The following MMP26 variants were observed in gnomAD, a reference collection of about 807,000 sequenced individuals.
MMP26 encodes matrix metalloproteinase-26.
A neutral mutation model predicts 31.0 loss-of-function variants in MMP26; 33 were observed. The ratio of observed to expected loss-of-function variants is 1.06; its 90% CI spans 0.81 to 1.42. The LOEUF (loss-of-function observed/expected upper bound fraction) is 1.42. MMP26 is among the 40% of genes most tolerant of loss of function. The pLI is 0.00. For synonymous variants in MMP26, 122 were observed against 114.9 expected, an observed-to-expected ratio of 1.06 and a Z score of -0.40; for missense variants, 347 against 316.1, an observed-to-expected ratio of 1.10 and a Z score of -0.74.
At chr11:4,827,803 C>T (rs1393341102) in intron 2 of MMP26, among the ~76,000 whole-genome samples, 1 of 151,434 alleles carries the variant, frequency 6.6e-6, no homozygotes, top group Non-Finnish European at 1.5e-5. Flanking sequence ...TTTAGCCTTT[C>T]CAAGATGAGA....
intron 2 of MMP26, among the ~76,000 whole-genome samples, chr11:4,813,299 C>G (rs1849375688): frequency 6.6e-6 from 1 of 152,072 alleles, no homozygotes; most frequent in Non-Finnish European, 1.5e-5. Context: ...AAAAATAGAT[C>G]AATACATTAT....
At chr11:4,936,370 T>C (rs1291177987) in intron 2 of MMP26, among the ~76,000 whole-genome samples, 1 of 151,984 alleles carries the variant, frequency 6.6e-6, no homozygotes, top group Admixed American at 6.6e-5. Flanking sequence ...TGCGTAGAGG[T>C]GTTTGTAGTA....
At chr11:4,748,724 C>A (rs1848412043) in intron 1 of MMP26, among the ~76,000 whole-genome samples, 1 of 151,100 alleles carries the variant, frequency 6.6e-6, no homozygotes, top group Admixed American at 6.6e-5. Context: ...GCAGAATAAG[C>A]AATTGATAAA....
intron 2 of MMP26, among the ~76,000 whole-genome samples, chr11:4,916,410 A>AG (rs1206018285): frequency 6.7e-6 from 1 of 150,214 alleles, no homozygotes; most frequent in Non-Finnish European, 1.5e-5. Flanking sequence ...TGGAAAAAAA[A>AG]AGTCCTCACA....
At position 4,807,826 on chromosome 11, in the gene MMP26, A is replaced by G. The variant is rs115966449; in HGVS notation, c.-145+40485A>G. Among the ~76,000 whole-genome samples the G allele has an allele frequency of 6.3e-3, 962 of 152,180 alleles. 13 individuals are homozygous for G. Among genetic ancestry groups the G allele is most frequent in the African/African-American group, 0.022 (923 of 41,500 alleles). On this transcript the variant is annotated intron_variant, in intron 2 of 7. Transcript: ENST00000380390. ...TTGTTCTTTTTCTTTTATTTTTGAG[A>G]CATGCTTTCACTCTGTTGTCCAGGC...
chr11:4,803,488 C>T (rs745583175), intron 2 of MMP26: 1 of 1,614,038 alleles, frequency 6.2e-7, no homozygotes, highest in South Asian at 1.1e-5. Context: ...CTGTTTGGTT[C>T]TAACTCCATA....
At chr11:4,908,441 T>C in intron 2 of MMP26, 1 of 773,934 alleles carries the variant, frequency 1.3e-6, no homozygotes, top group Non-Finnish European at 2.2e-6. Context: ...GCAGAATTTA[T>C]AATAAAGTTG....
At chr11:4,927,472 T>A (rs559429713) in intron 2 of MMP26, among the ~76,000 whole-genome samples, 4 of 152,106 alleles carry the variant, frequency 2.6e-5, no homozygotes, top group Non-Finnish European at 5.9e-5. Flanking sequence ...CACAGGTCAA[T>A]CTCAAGTCCA....
chr11:4,797,031 A>G (rs1849116971), intron 2 of MMP26, among the ~76,000 whole-genome samples: 1 of 152,088 alleles, frequency 6.6e-6, no homozygotes, highest in Admixed American at 6.5e-5. Flanking sequence ...AGATCTCTTT[A>G]GAACACAGCT....
At chr11:4,928,403 T>G (rs1045211885) in intron 2 of MMP26, among the ~76,000 whole-genome samples, 2 of 152,162 alleles carry the variant, frequency 1.3e-5, no homozygotes, top group African/African-American at 4.8e-5. Context: ...AAATGTCAAT[T>G]TCATATCTTC....
At chr11:4,804,621 A>C (rs1849239408) in intron 2 of MMP26, 1 of 691,138 alleles carries the variant, frequency 1.4e-6, no homozygotes, top group African/African-American at 1.8e-5. Context: ...AGAACATACT[A>C]GTTGCATGTG....
intron 2 of MMP26, among the ~76,000 whole-genome samples, chr11:4,782,641 C>CA (rs533379335): frequency 3.9e-5 from 6 of 152,054 alleles, no homozygotes; most frequent in Non-Finnish European, 7.4e-5. Flanking sequence ...CCCAAGACAA[C>CA]GGGGAAAATG....
intron 2 of MMP26, among the ~76,000 whole-genome samples, chr11:4,776,419 G>A (rs1345893121): frequency 6.6e-6 from 1 of 151,814 alleles, no homozygotes; most frequent in Non-Finnish European, 1.5e-5. Context: ...GACTGTATAA[G>A]CATTTTCTTT....
At chr11:4,915,041 A>G in intron 2 of MMP26, 1 of 1,614,162 alleles carries the variant, frequency 6.2e-7, no homozygotes. Flanking sequence ...TGTAGAGACG[A>G]TGACAAACAT....
At chr11:4,849,965 G>A (rs1217708824) in intron 2 of MMP26, among the ~76,000 whole-genome samples, 1 of 152,096 alleles carries the variant, frequency 6.6e-6, no homozygotes, top group African/African-American at 2.4e-5. Flanking sequence ...ATCGCCTTGA[G>A]TAATTATAAT....
chr11:4,984,163 A>T (rs1016280391), intron 2 of MMP26, among the ~76,000 whole-genome samples: 3 of 152,130 alleles, frequency 2.0e-5, no homozygotes, highest in African/African-American at 7.2e-5. Flanking sequence ...AAGATGAAAG[A>T]CGGGGCAGTC....
At chr11:4,773,591 TG>T (rs35359895) in intron 2 of MMP26, among the ~76,000 whole-genome samples, 54 of 136,408 alleles carry the variant, frequency 4.0e-4, no homozygotes, top group Non-Finnish European at 5.3e-4. Context: ...GTAGTGTTTG[TG>T]GGGTTTTTTT....
intron 2 of MMP26, among the ~76,000 whole-genome samples, chr11:4,827,070 C>T (rs1033193040): frequency 7.2e-5 from 11 of 152,200 alleles, no homozygotes; most frequent in South Asian, 2.1e-4. Context: ...GTACATGGCA[C>T]GCGCCTAGGT....
At chr11:4,983,107 C>T (rs538342114) in intron 2 of MMP26, among the ~76,000 whole-genome samples, 27 of 152,298 alleles carry the variant, frequency 1.8e-4, no homozygotes, top group African/African-American at 5.3e-4. Flanking sequence ...AGTAATATGC[C>T]ATTCTCTCAG....
Sources: gnomAD v4.1 joint callset for allele counts (sites outside exome capture counted in the v4.1 genomes callset) on GRCh38, gnomAD v4.1.1 for gene constraint, MANE v1.5 for transcripts, NCBI Gene and HGNC (gene_info 2026-07-23, HGNC 2026-07-21) for gene names.